MAST4: variants seen among roughly 807,000 people sequenced by gnomAD.
MAST4 encodes microtubule-associated serine/threonine-protein kinase 4.
In MAST4, 89 loss-of-function variants were observed where a neutral mutation model predicts 162.7. That is an observed-to-expected ratio of 0.55 (90% CI 0.46 to 0.65). The LOEUF (loss-of-function observed/expected upper bound fraction) is 0.65, where lower values mean the gene tolerates loss of function less well. Among genes scored for constraint, MAST4 ranks in the 30% least tolerant of loss-of-function variants. The pLI is 0.00. For synonymous variants in MAST4, 1,479 were observed against 1,361.1 expected (o/e 1.09, Z -1.91); for missense variants, 3,153 against 3,374.0 (o/e 0.93, Z 1.62).
At chr5:66,969,058 A>C (rs1357387214) in intron 4 of MAST4, among the ~76,000 whole-genome samples, 2 of 152,184 alleles carry the variant, frequency 1.3e-5, no homozygotes, top group Non-Finnish European at 2.9e-5. Flanking sequence ...GTACTAAATA[A>C]ATTATTTAGT....
At chr5:67,080,950 TATA>T (rs1432408193) in intron 5 of MAST4, among the ~76,000 whole-genome samples, 18 of 139,194 alleles carry the variant, frequency 1.3e-4, no homozygotes, top group African/African-American at 2.9e-4. Context: ...TATTATATAA[TATA>T]ATATATAATT....
Position 67,100,530 on chromosome 5 carries a change from A to AAGCATC in MAST4, c.1009_1014dup (p.Ser337_Ile338dup), listed in dbSNP as rs757052812. ...TATCAAAACATTTCTGTACCACCGAAAGCATCGCCACTGAGAACAGATGCA... is the reference window on the plus strand; with the variant it reads ...TATCAAAACATTTCTGTACCACCGAAAGCATCAGCATCGCCACTGAGAACAGATGCA... On this transcript the variant is annotated inframe_insertion, in exon 8 of 29. Transcript: ENST00000403625. The AAGCATC allele has an allele frequency of 6.2e-7, 1 of 1,613,804 alleles. No homozygotes were observed.
intron 5 of MAST4, among the ~76,000 whole-genome samples, chr5:67,070,242 CTT>C (rs917087316): frequency 1.5e-4 from 23 of 152,150 alleles, no homozygotes; most frequent in Non-Finnish European, 3.2e-4. Flanking sequence ...CATAGGCGGA[CTT>C]TTAACATCAA....
At chr5:66,936,069 A>C (rs1447246715) in intron 4 of MAST4, among the ~76,000 whole-genome samples, 7 of 152,170 alleles carry the variant, frequency 4.6e-5, no homozygotes, top group Non-Finnish European at 8.8e-5. Flanking sequence ...TCTCAAAGCT[A>C]GTAACTGACA....
chr5:66,829,748 T>G (rs1757473436), intron 3 of MAST4, among the ~76,000 whole-genome samples: 1 of 152,172 alleles, frequency 6.6e-6, no homozygotes, highest in African/African-American at 2.4e-5. Flanking sequence ...ACAGCACATT[T>G]AGAAATGTTT....
chr5:66,811,432 A>T (rs1014976890), intron 3 of MAST4, among the ~76,000 whole-genome samples: 1 of 152,246 alleles, frequency 6.6e-6, no homozygotes, highest in Non-Finnish European at 1.5e-5. Context: ...ACACGTTAGA[A>T]CTTTAACTGA....
intron 4 of MAST4, among the ~76,000 whole-genome samples, chr5:66,927,964 C>T (rs1308398135): frequency 6.6e-6 from 1 of 152,142 alleles, no homozygotes; most frequent in Non-Finnish European, 1.5e-5. Context: ...TCCATCTCTG[C>T]TTTTATCTTT....
chr5:66,730,906 G>C (rs577984657), intron 1 of MAST4, among the ~76,000 whole-genome samples: 1 of 152,202 alleles, frequency 6.6e-6, no homozygotes, highest in South Asian at 2.1e-4. Flanking sequence ...ACAAATGTTG[G>C]AAAATGAGAA....
chr5:66,639,243 A>G (rs1745320635), intron 1 of MAST4, among the ~76,000 whole-genome samples: 1 of 147,166 alleles, frequency 6.8e-6, no homozygotes, highest in South Asian at 2.2e-4. Context: ...TCAAGGAGGA[A>G]GTGGTCAGTG....
At chr5:66,849,640 G>A (rs1053009308) in intron 3 of MAST4, among the ~76,000 whole-genome samples, 5 of 152,176 alleles carry the variant, frequency 3.3e-5, no homozygotes, top group Non-Finnish European at 5.9e-5. Flanking sequence ...GTGAGAATCT[G>A]TGGAACTGCC....
At chr5:67,014,783 AT>A (rs1753082792) in intron 4 of MAST4, among the ~76,000 whole-genome samples, 1 of 152,244 alleles carries the variant, frequency 6.6e-6, no homozygotes, top group South Asian at 2.1e-4. Flanking sequence ...CCAAAATGCC[AT>A]TTTAGCAGGT....
chr5:66,675,035 A>C (rs367888600), intron 1 of MAST4, among the ~76,000 whole-genome samples: 1 of 152,192 alleles, frequency 6.6e-6, no homozygotes, highest in African/African-American at 2.4e-5. Flanking sequence ...CCCCTGCTAT[A>C]GGACAGTCAC....
intron 4 of MAST4, among the ~76,000 whole-genome samples, chr5:67,049,008 C>CACACATATATATACGTAT (rs1362965159): frequency 0.012 from 1,303 of 104,440 alleles, 68 homozygotes; most frequent in African/African-American, 0.05. Context: ...TATACACACA[C>CACACATATATATACGTAT]ATATATATAT....
intron 4 of MAST4, among the ~76,000 whole-genome samples, chr5:66,967,500 G>T (rs920869344): frequency 1.3e-5 from 2 of 151,998 alleles, no homozygotes; most frequent in South Asian, 4.2e-4. Context: ...AAATTTGGGC[G>T]CAGTATGAAG....
chr5:66,640,464 C>T (rs571909878), intron 1 of MAST4, among the ~76,000 whole-genome samples: 41 of 152,244 alleles, frequency 2.7e-4, no homozygotes, highest in Admixed American at 2.0e-3. Flanking sequence ...CCCGCCTCCA[C>T]GCCTGGCTAA....
chr5:66,943,064 A>G (rs962908038), intron 4 of MAST4, among the ~76,000 whole-genome samples: 3 of 152,102 alleles, frequency 2.0e-5, no homozygotes, highest in African/African-American at 4.8e-5. Flanking sequence ...GTCCTGCCAC[A>G]TGACCTAATC....
intron 4 of MAST4, among the ~76,000 whole-genome samples, chr5:66,986,088 C>T (rs1214054348): frequency 6.6e-6 from 1 of 152,100 alleles, no homozygotes. Context: ...TAATAACAGA[C>T]CAGAGGAAAG....
At chr5:66,935,004 C>G (rs1742583037) in intron 4 of MAST4, among the ~76,000 whole-genome samples, 1 of 152,312 alleles carries the variant, frequency 6.6e-6, no homozygotes, top group African/African-American at 2.4e-5. Context: ...GTCTTCCAAT[C>G]TAGTTCTGCC....
At chr5:66,751,063 G>C (rs542488930) in intron 1 of MAST4, among the ~76,000 whole-genome samples, 2,624 of 150,372 alleles carry the variant, frequency 0.017, 41 homozygotes, top group Non-Finnish European at 0.023. Flanking sequence ...CAGGGTATTC[G>C]AACAGACCTG....
Sources: allele counts gnomAD v4.1 joint callset (sites outside exome capture counted in the v4.1 genomes callset), GRCh38; gene constraint gnomAD v4.1.1; transcripts MANE v1.5; gene names NCBI Gene and HGNC (gene_info 2026-07-23, HGNC 2026-07-21).